Variants in DKK2 observed in about 807,000 individuals in gnomAD.
The protein encoded by DKK2 is dickkopf Wnt signaling pathway inhibitor 2.
DKK2 carries 11 observed loss-of-function variants against 28.1 expected under a neutral mutation model. The ratio of observed to expected loss-of-function variants is 0.39; its 90% CI spans 0.25 to 0.65. The LOEUF is 0.65. Ranked by LOEUF, DKK2 falls within the 30% of genes least tolerant of loss-of-function variation. The pLI, the probability that DKK2 is intolerant of heterozygous loss-of-function variation, is 0.47. For synonymous variants in DKK2, 135 were observed against 126.5 expected, an observed-to-expected ratio of 1.07 and a Z score of -0.45; for missense variants, 326 against 335.5, an observed-to-expected ratio of 0.97 and a Z score of 0.22.
chr4:107,023,175 T>C (rs927313462), intron 1 of DKK2, among the ~76,000 whole-genome samples: 1 of 152,148 alleles, frequency 6.6e-6, no homozygotes, highest in Non-Finnish European at 1.5e-5. Flanking sequence ...TTTCTTCATG[T>C]TATTAGAGAG....
chr4:107,019,087 A>G lies in DKK2; in HGVS notation c.222+16283T>C, dbSNP rs1040931519. ...GGTCATTTTGGATTTTCTCCTCAGA[A>G]ACGAGAAGATAAGAACTTCAACAAC... On this transcript the variant is annotated intron_variant, in intron 1 of 3. Transcript: ENST00000285311. Among the ~76,000 whole-genome samples the G allele has an allele frequency of 5.9e-5, 9 of 152,156 alleles. 1 individual carries two copies. Among genetic ancestry groups the G allele is most frequent in the Admixed American group, 5.9e-4 (9 of 15,270 alleles).
chr4:107,029,044 G>A (rs944392532), intron 1 of DKK2, among the ~76,000 whole-genome samples: 2 of 152,142 alleles, frequency 1.3e-5, no homozygotes, highest in African/African-American at 4.8e-5. Context: ...TAGAGGCAGG[G>A]ATGAAAATAA....
At chr4:106,997,768 T>C (rs570369037) in intron 1 of DKK2, among the ~76,000 whole-genome samples, 5 of 152,248 alleles carry the variant, frequency 3.3e-5, no homozygotes, top group Admixed American at 3.3e-4. Context: ...CAACTATGCA[T>C]GCATGTGTAA....
At chr4:106,945,404 A>G (rs1188498513) in intron 1 of DKK2, among the ~76,000 whole-genome samples, 1 of 152,154 alleles carries the variant, frequency 6.6e-6, no homozygotes, top group East Asian at 1.9e-4. Context: ...AACAAAATGA[A>G]CCAGTTAGAG....
At chr4:107,015,284 T>C (rs1480351787) in intron 1 of DKK2, among the ~76,000 whole-genome samples, 1 of 151,664 alleles carries the variant, frequency 6.6e-6, no homozygotes, top group Non-Finnish European at 1.5e-5. Context: ...GTATCTTAAA[T>C]TGCATTCTCT....
intron 1 of DKK2, among the ~76,000 whole-genome samples, chr4:106,940,492 C>A (rs1250859837): frequency 6.6e-6 from 1 of 150,782 alleles, no homozygotes; most frequent in Non-Finnish European, 1.5e-5. Flanking sequence ...GAAATAGGAA[C>A]ACTTTTACAC....
chr4:106,956,964 C>A (rs1324730345), intron 1 of DKK2, among the ~76,000 whole-genome samples: 1 of 151,568 alleles, frequency 6.6e-6, no homozygotes, highest in East Asian at 1.9e-4. Flanking sequence ...AGTGAACAGG[C>A]AACCTACAAA....
chr4:107,034,367 G>T (rs1723928512), intron 1 of DKK2, among the ~76,000 whole-genome samples: 3 of 152,242 alleles, frequency 2.0e-5, no homozygotes, highest in Non-Finnish European at 1.5e-5. Context: ...CTCAGTTTTG[G>T]CTTCCCACAA....
intron 1 of DKK2, among the ~76,000 whole-genome samples, chr4:107,012,343 T>G (rs1278361306): frequency 6.6e-6 from 1 of 151,302 alleles, no homozygotes; most frequent in Non-Finnish European, 1.5e-5. Context: ...TAAAATAAAT[T>G]TCATCAGTAT....
rs541126926 is a variant in DKK2 at position 107,031,999 on chromosome 4, T to A, written c.222+3371A>T. ...TTAATTTAGAACATCTGAAACAGTA[T>A]CCTTAGAAATTGACATATATATTAA... On this transcript the variant is annotated intron_variant, in intron 1 of 3. Transcript: ENST00000285311. Among the ~76,000 whole-genome samples the A allele has an allele frequency of 6.6e-5, 10 of 152,036 alleles. No homozygotes were observed. The East Asian group carries it at 1.9e-3, about 29-fold the overall frequency.
intron 1 of DKK2, among the ~76,000 whole-genome samples, chr4:106,978,436 G>A (rs1722975409): frequency 6.6e-6 from 1 of 152,080 alleles, no homozygotes; most frequent in Non-Finnish European, 1.5e-5. Flanking sequence ...TAGTTGCCCT[G>A]CCCAGAGAGA....
rs966189264 is a variant in DKK2, at chr4:106,944,258, T to A, written c.223-18309A>T. ...TCACCACCCAAACATTTATATGATG[T>A]CTAACTTGTTTATGATCCTAAACAA... On this transcript the variant is annotated intron_variant, in intron 1 of 3. Transcript: ENST00000285311. Among the ~76,000 whole-genome samples the A allele has an allele frequency of 2.6e-5, 4 of 152,204 alleles. 1 individual carries two copies. The highest frequency in any genetic ancestry group is 4.1e-4 in the South Asian group (2 of 4,820).
intron 1 of DKK2, among the ~76,000 whole-genome samples, chr4:106,959,686 G>T (rs1722657411): frequency 6.6e-6 from 1 of 151,848 alleles, no homozygotes; most frequent in Admixed American, 6.6e-5. Context: ...AAAAATAAAA[G>T]ATATTGAAAA....
chr4:106,940,521 C>G (rs1171344217), intron 1 of DKK2, among the ~76,000 whole-genome samples: 4 of 150,560 alleles, frequency 2.7e-5, no homozygotes. Context: ...GGACCGTAAA[C>G]TAGTTCAACC....
intron 1 of DKK2, among the ~76,000 whole-genome samples, chr4:106,992,680 T>C (rs890898858): frequency 6.6e-6 from 1 of 152,222 alleles, no homozygotes; most frequent in Admixed American, 6.5e-5. Flanking sequence ...TTCAAGCATA[T>C]ATTTAAATAG....
At chr4:106,986,647 T>A (rs904742731) in intron 1 of DKK2, among the ~76,000 whole-genome samples, 4 of 152,130 alleles carry the variant, frequency 2.6e-5, no homozygotes, top group African/African-American at 9.7e-5. Context: ...CTAGAGTGAC[T>A]CATTCACATC....
chr4:106,933,998 ATGTATG>A (rs1724539927), intron 1 of DKK2, among the ~76,000 whole-genome samples: 1 of 150,768 alleles, frequency 6.6e-6, no homozygotes, highest in African/African-American at 2.4e-5. Flanking sequence ...ATGTGTATAT[ATGTATG>A]TATATATACA....
chr4:106,932,701 G>A (rs765135885), intron 1 of DKK2, among the ~76,000 whole-genome samples: 1 of 152,130 alleles, frequency 6.6e-6, no homozygotes, highest in Non-Finnish European at 1.5e-5. Flanking sequence ...TAATTATAAA[G>A]TACTCTATAA....
At chr4:106,991,363 T>A (rs936742414) in intron 1 of DKK2, among the ~76,000 whole-genome samples, 11 of 152,128 alleles carry the variant, frequency 7.2e-5, no homozygotes, top group Admixed American at 7.2e-4. Context: ...TCATCATGCT[T>A]CACTTCATGT....
Sources: gnomAD v4.1 joint callset for allele counts (sites outside exome capture counted in the v4.1 genomes callset) on GRCh38, gnomAD v4.1.1 for gene constraint, MANE v1.5 for transcripts, NCBI Gene and HGNC (gene_info 2026-07-23, HGNC 2026-07-21) for gene names.